The following ACVR1 variants were observed in gnomAD, a reference collection of about 807,000 sequenced individuals.
ACVR1 encodes activin receptor type-1.
ACVR1 carries 38 observed loss-of-function variants against 57.1 expected under a neutral mutation model. The ratio of observed to expected loss-of-function variants is 0.67; its 90% confidence interval spans 0.51 to 0.87. The LOEUF (loss-of-function observed/expected upper bound fraction) is 0.87, where lower values mean the gene tolerates loss of function less well. Ranked by LOEUF, ACVR1 falls within the 40% of genes least tolerant of loss-of-function variation. ACVR1 has a pLI of 0.00. For missense variants in ACVR1, 463 were observed against 638.2 expected, an observed-to-expected ratio of 0.73 and a Z score of 2.96; for synonymous variants, 212 against 228.1, an observed-to-expected ratio of 0.93 and a Z score of 0.63.
intron 1 of ACVR1, among the ~76,000 whole-genome samples, chr2:157,849,346 G>C (rs1266806261): frequency 6.6e-6 from 1 of 152,034 alleles, no homozygotes; most frequent in African/African-American, 2.4e-5. Flanking sequence ...TTCAAAATTT[G>C]CAGGGAAAAA....
At chr2:157,791,245 T>A (rs1686900520) in intron 3 of ACVR1, among the ~76,000 whole-genome samples, 1 of 152,244 alleles carries the variant, frequency 6.6e-6, no homozygotes, top group Non-Finnish European at 1.5e-5. Context: ...CTACCAGTGT[T>A]GTCAACTGGT....
chr2:157,837,880 C>T (rs1688840845), intron 1 of ACVR1, among the ~76,000 whole-genome samples: 1 of 152,170 alleles, frequency 6.6e-6, no homozygotes, highest in Admixed American at 6.5e-5. Context: ...GGACTCTTGA[C>T]TCGAATTCTC....
chr2:157,748,955 T>C (rs1221687072), intron 9 of ACVR1, among the ~76,000 whole-genome samples: 1 of 152,352 alleles, frequency 6.6e-6, no homozygotes, highest in African/African-American at 2.4e-5. Flanking sequence ...TCATGCATTA[T>C]TTCTTCTAAT....
chr2:157,780,592 G>A lies in ACVR1; in HGVS notation c.76C>T (p.Pro26Ser), dbSNP rs377197386. 2.9e-5 allele frequency: 46 copies of A among 1,613,516 alleles called. No homozygotes were observed. Among genetic ancestry groups the A allele is most frequent in the Admixed American group, 1.2e-4 (7 of 59,942 alleles). Residue 26 changes from proline to serine, a missense_variant, in exon 4 of 11, where the codon CCC becomes TCC. Physicochemically the swap from Pro to Ser is moderately conservative, Grantham distance 74. Transcript: ENST00000434821. ...LPSPSMEDEK[P>S]KVNPKLYMCV... ...ATGTAGAGTTTGGGGTTGACCTTGG[G>A]CTTCTCATCTGCAAAGGAGAGAAAG...
chr2:157,866,604 A>C (rs1181862519), intron 1 of ACVR1, among the ~76,000 whole-genome samples: 1 of 152,196 alleles, frequency 6.6e-6, no homozygotes, highest in Non-Finnish European at 1.5e-5. Context: ...CTATGATACC[A>C]AGAAAAGGTC....
intron 2 of ACVR1, among the ~76,000 whole-genome samples, chr2:157,801,959 A>C (rs1042356258): frequency 6.6e-6 from 1 of 152,240 alleles, no homozygotes; most frequent in Non-Finnish European, 1.5e-5. Flanking sequence ...AAATATAAAC[A>C]GGGTCCTTGC....
chr2:157,742,442 G>GTC (rs1290357047), intron 9 of ACVR1, among the ~76,000 whole-genome samples: 2 of 152,170 alleles, frequency 1.3e-5, no homozygotes, highest in African/African-American at 4.8e-5. Context: ...GGCGGCCAGC[G>GTC]TGACTCAAAG....
intron 1 of ACVR1, among the ~76,000 whole-genome samples, chr2:157,836,014 T>C (rs1688771096): frequency 6.6e-6 from 1 of 152,234 alleles, no homozygotes; most frequent in Admixed American, 6.5e-5. Context: ...ACCAAAGTGT[T>C]ATACCTGGAA....
intron 2 of ACVR1, among the ~76,000 whole-genome samples, chr2:157,814,538 T>A (rs1222993845): frequency 3.3e-5 from 5 of 152,196 alleles, no homozygotes; most frequent in African/African-American, 4.8e-5. Flanking sequence ...AAATCTAAAA[T>A]CTGTCAAGGT....
chr2:157,870,510 A>G (rs530773846), intron 1 of ACVR1, among the ~76,000 whole-genome samples: 11 of 152,322 alleles, frequency 7.2e-5, no homozygotes, highest in Admixed American at 2.0e-4. Context: ...CCCATTTTCC[A>G]AAGAGGTCAC....
chr2:157,838,719 A>G (rs1302824371), intron 1 of ACVR1, among the ~76,000 whole-genome samples: 3 of 152,160 alleles, frequency 2.0e-5, no homozygotes, highest in African/African-American at 4.8e-5. Context: ...GTCAAGCCAC[A>G]CAGCTCCTCT....
At chr2:157,841,598 G>C (rs900730182) in intron 1 of ACVR1, among the ~76,000 whole-genome samples, 1 of 152,170 alleles carries the variant, frequency 6.6e-6, no homozygotes, top group Non-Finnish European at 1.5e-5. Context: ...CCAGCTATTA[G>C]GAAGGCTAAG....
chr2:157,768,893 G>A (rs370311226), intron 7 of ACVR1, among the ~76,000 whole-genome samples: 3 of 152,152 alleles, frequency 2.0e-5, no homozygotes, highest in African/African-American at 7.2e-5. Context: ...TGGTTACCGC[G>A]TAGTAATGAT....
At chr2:157,758,603 T>C (rs562477776) in intron 9 of ACVR1, among the ~76,000 whole-genome samples, 25 of 152,136 alleles carry the variant, frequency 1.6e-4, no homozygotes, top group African/African-American at 4.8e-4. Context: ...ACAATAACAG[T>C]TGGGGACTTC....
At chr2:157,770,582 G>T in intron 6 of ACVR1, 68 bp from the exon 7 acceptor site, 1 of 1,540,910 alleles carries the variant, frequency 6.5e-7, no homozygotes, top group African/African-American at 1.4e-5. Context: ...CCATCATTAA[G>T]AATAATTAAT....
chr2:157,745,679 A>G (rs965044692), intron 9 of ACVR1, among the ~76,000 whole-genome samples: 9 of 152,186 alleles, frequency 5.9e-5, no homozygotes, highest in African/African-American at 1.9e-4. Context: ...ACAAACAAAA[A>G]AACTGAAATT....
intron 1 of ACVR1, among the ~76,000 whole-genome samples, chr2:157,831,228 A>G (rs892141773): frequency 6.6e-6 from 1 of 152,274 alleles, no homozygotes; most frequent in Non-Finnish European, 1.5e-5. Flanking sequence ...TTTAATAAGC[A>G]TGAAAAAGGT....
chr2:157,744,910 T>A (rs1049188420), intron 9 of ACVR1, among the ~76,000 whole-genome samples: 1 of 152,218 alleles, frequency 6.6e-6, no homozygotes, highest in Non-Finnish European at 1.5e-5. Context: ...CTGTAACTCA[T>A]GGCAGGCACT....
At chr2:157,802,192 T>C (rs1687349784) in intron 2 of ACVR1, among the ~76,000 whole-genome samples, 1 of 151,862 alleles carries the variant, frequency 6.6e-6, no homozygotes, top group South Asian at 2.1e-4. Context: ...AAAGGGTAAG[T>C]GTGTTGGGAG....
Sources: gnomAD v4.1 joint callset for allele counts (sites outside exome capture counted in the v4.1 genomes callset) on GRCh38, gnomAD v4.1.1 for gene constraint, MANE v1.5 for transcripts, NCBI Gene and HGNC (gene_info 2026-07-23, HGNC 2026-07-21) for gene names.